The following GPC5 variants were observed in gnomAD, a reference collection of about 807,000 sequenced individuals.
The protein encoded by GPC5 is glypican-5.
In GPC5, 47 loss-of-function variants were observed where a neutral mutation model predicts 53.9. The ratio of observed to expected loss-of-function variants is 0.87; its 90% CI spans 0.69 to 1.11. GPC5 has a LOEUF of 1.11. Among genes scored for constraint, GPC5 ranks in the 50% most tolerant of loss-of-function variants. The pLI, the probability that GPC5 is intolerant of heterozygous loss-of-function variation, is 0.00. For missense variants in GPC5, 748 were observed against 713.1 expected, an observed-to-expected ratio of 1.05 and a Z score of -0.56; for synonymous variants, 286 against 263.3, an observed-to-expected ratio of 1.09 and a Z score of -0.84.
At chr13:91,596,817 G>T (rs1041083934) in intron 2 of GPC5, among the ~76,000 whole-genome samples, 1 of 152,118 alleles carries the variant, frequency 6.6e-6, no homozygotes, top group Non-Finnish European at 1.5e-5. Context: ...CACTGTAAGA[G>T]TTGGGTATTC....
intron 7 of GPC5, among the ~76,000 whole-genome samples, chr13:92,460,220 A>T (rs1337365439): frequency 6.6e-6 from 1 of 152,184 alleles, no homozygotes; most frequent in East Asian, 1.9e-4. Context: ...TAGATATTTA[A>T]GGGGTACAAT....
intron 7 of GPC5, among the ~76,000 whole-genome samples, chr13:92,535,180 T>C (rs1594284756): frequency 1.3e-5 from 2 of 152,262 alleles, no homozygotes; most frequent in African/African-American, 4.8e-5. Flanking sequence ...TGAAGACCTA[T>C]GGTGCTGTGG....
intron 5 of GPC5, among the ~76,000 whole-genome samples, chr13:91,873,398 A>G (rs1156506426): frequency 6.6e-6 from 1 of 152,088 alleles, no homozygotes; most frequent in Non-Finnish European, 1.5e-5. Context: ...CTCATCTTGA[A>G]TTGTAACCCC....
chr13:91,528,262 A>C (rs1886178351), intron 2 of GPC5, among the ~76,000 whole-genome samples: 1 of 152,188 alleles, frequency 6.6e-6, no homozygotes, highest in Non-Finnish European at 1.5e-5. Context: ...CTTTCAGAAA[A>C]AGCCAGGTCA....
chr13:91,965,055 G>A (rs1293424962), intron 6 of GPC5, among the ~76,000 whole-genome samples: 2 of 138,698 alleles, frequency 1.4e-5, no homozygotes, highest in East Asian at 4.6e-4. Flanking sequence ...GACACAGGGT[G>A]GGGAACATCA....
At chr13:92,288,968 A>G (rs574878444) in intron 7 of GPC5, among the ~76,000 whole-genome samples, 2 of 151,436 alleles carry the variant, frequency 1.3e-5, no homozygotes, top group African/African-American at 4.8e-5. Context: ...CAACTTTACC[A>G]TTTTTCTGTA....
intron 5 of GPC5, among the ~76,000 whole-genome samples, 181 bp from the exon 6 acceptor site, chr13:91,907,756 T>G (rs1381041336): frequency 6.6e-6 from 1 of 151,938 alleles, no homozygotes; most frequent in Non-Finnish European, 1.5e-5. Flanking sequence ...AATGGCACGA[T>G]AAGCATTTTA....
chr13:92,028,446 A>T (rs1055275386), intron 6 of GPC5, among the ~76,000 whole-genome samples: 6 of 152,168 alleles, frequency 3.9e-5, no homozygotes, highest in Non-Finnish European at 5.9e-5. Context: ...AATTGCTATT[A>T]TGCTGAATAA....
At chr13:91,927,755 A>C (rs886315229) in intron 6 of GPC5, among the ~76,000 whole-genome samples, 1 of 152,194 alleles carries the variant, frequency 6.6e-6, no homozygotes, top group African/African-American at 2.4e-5. Flanking sequence ...CAGGCTATTA[A>C]AACTAATGGT....
chr13:92,520,938 GA>G (rs1881017709), intron 7 of GPC5, among the ~76,000 whole-genome samples: 1 of 152,168 alleles, frequency 6.6e-6, no homozygotes, highest in African/African-American at 2.4e-5. Flanking sequence ...AAAATCTCAG[GA>G]TGGAAAATCA....
chr13:92,801,895 A>C (rs1353401327), intron 7 of GPC5, among the ~76,000 whole-genome samples: 1 of 151,898 alleles, frequency 6.6e-6, no homozygotes, highest in South Asian at 2.1e-4. Flanking sequence ...AGGGTCAAAA[A>C]GTTTAAAAAC....
chr13:92,841,681 T>C (rs1415805694), intron 7 of GPC5, among the ~76,000 whole-genome samples: 1 of 152,166 alleles, frequency 6.6e-6, no homozygotes, highest in Non-Finnish European at 1.5e-5. Context: ...GGTTGTCTCA[T>C]AAAATTTTAG....
intron 5 of GPC5, among the ~76,000 whole-genome samples, chr13:91,791,051 C>G (rs1313898887): frequency 6.6e-6 from 1 of 152,148 alleles, no homozygotes; most frequent in Non-Finnish European, 1.5e-5. Flanking sequence ...TGTTTTCTAG[C>G]CTCACAGTGT....
intron 2 of GPC5, among the ~76,000 whole-genome samples, chr13:91,533,350 G>A (rs532736047): frequency 2.6e-5 from 4 of 152,234 alleles, no homozygotes; most frequent in Non-Finnish European, 5.9e-5. Flanking sequence ...TTCAAAGACT[G>A]GAATTGTCAT....
At chr13:91,485,829 A>T (rs576118583) in intron 2 of GPC5, 2 of 152,292 alleles carry the variant, frequency 1.3e-5, no homozygotes, top group South Asian at 4.1e-4. Flanking sequence ...TTGTAGGAGG[A>T]TTACAACATT....
chr13:91,976,568 G>C (rs1460924883), intron 6 of GPC5, among the ~76,000 whole-genome samples: 1 of 152,182 alleles, frequency 6.6e-6, no homozygotes, highest in Non-Finnish European at 1.5e-5. Context: ...ATAAGGAAGA[G>C]GAGTTGGTCA....
intron 2 of GPC5, among the ~76,000 whole-genome samples, chr13:91,540,546 G>A (rs940636593): frequency 2.6e-5 from 4 of 152,128 alleles, no homozygotes; most frequent in African/African-American, 7.2e-5. Flanking sequence ...TTGTGGTGAT[G>A]GTTACAACAC....
chr13:92,850,538 G>A (rs1429739792), intron 7 of GPC5, among the ~76,000 whole-genome samples: 1 of 152,146 alleles, frequency 6.6e-6, no homozygotes, highest in African/African-American at 2.4e-5. Context: ...GGTGGAGGCT[G>A]TAGTAAGCCG....
chr13:91,829,667 A>G lies in GPC5; in HGVS notation c.1280+73247A>G, dbSNP rs374411446. On this transcript the variant is annotated intron_variant, in intron 5 of 7. Coordinates refer to ENST00000377067, the MANE Select transcript of GPC5 (RefSeq NM_004466.6). ...CTGATAGTCATGTAGGTTCTTTTCT[A>G]TTTTCCCTAGGCATCAGCCAGCTTG... is the stretch of plus-strand genomic sequence containing the variant. 3.9e-3 allele frequency among the ~76,000 whole-genome samples: 595 copies of G among 152,040 alleles called. 7 individuals carry two copies. Among genetic ancestry groups the G allele is most frequent in the African/African-American group, 0.014 (568 of 41,486 alleles).
Sources: allele counts gnomAD v4.1 joint callset (sites outside exome capture counted in the v4.1 genomes callset), GRCh38; gene constraint gnomAD v4.1.1; transcripts MANE v1.5; gene names NCBI Gene and HGNC (gene_info 2026-07-23, HGNC 2026-07-21).